PCYT1B: variants seen among roughly 807,000 people sequenced by gnomAD.
PCYT1B encodes choline-phosphate cytidylyltransferase B.
PCYT1B carries 10 observed loss-of-function variants against 26.4 expected under a neutral mutation model. That is an observed-to-expected ratio of 0.38 (90% CI 0.23 to 0.64). The LOEUF is 0.64. PCYT1B is among the 30% of genes least tolerant of loss of function. The pLI is 0.56. For missense variants in PCYT1B, 161 were observed against 292.7 expected (o/e 0.55, Z 3.28); for synonymous variants, 131 against 108.4 (o/e 1.21, Z -1.29).
At chrX:24,619,763 C>T (rs1370057489) in intron 1 of PCYT1B, among the ~76,000 whole-genome samples, 2 of 111,866 alleles carry the variant, frequency 1.8e-5, no homozygotes, top group Non-Finnish European at 3.8e-5. Flanking sequence ...GTGGTAGCTT[C>T]AACAGCGACT....
At chrX:24,659,531 C>T (rs1190936506) in intron 1 of PCYT1B, among the ~76,000 whole-genome samples, 1 of 111,895 alleles carries the variant, frequency 8.9e-6, no homozygotes, top group Admixed American at 9.5e-5. Context: ...CTATTCTTGA[C>T]AAAGAGTGTC....
At chrX:24,599,553 T>C (rs1395706627) in intron 3 of PCYT1B, among the ~76,000 whole-genome samples, 3 of 112,026 alleles carry the variant, frequency 2.7e-5, no homozygotes, top group Non-Finnish European at 5.6e-5. Flanking sequence ...TACATTGCTG[T>C]CCAAATTTAT....
intron 3 of PCYT1B, among the ~76,000 whole-genome samples, chrX:24,602,407 A>T (rs1164087020): frequency 1.8e-5 from 2 of 112,083 alleles, no homozygotes; most frequent in African/African-American, 6.5e-5. Flanking sequence ...TGATACTATC[A>T]TTGTGGATAC....
At chrX:24,608,235 G>A (rs1354805568) in intron 2 of PCYT1B, among the ~76,000 whole-genome samples, 1 of 111,184 alleles carries the variant, frequency 9.0e-6, no homozygotes, top group Non-Finnish European at 1.9e-5. Flanking sequence ...ATCCTTGGGT[G>A]TGGCAGTCCT....
intron 2 of PCYT1B, 128 bp from the exon 3 acceptor site, chrX:24,607,989 C>T (rs1244759299): frequency 2.3e-5 from 10 of 425,784 alleles, no homozygotes; most frequent in Middle Eastern, 3.6e-4. Context: ...TATCAGTGCA[C>T]GAAATTGATT....
intron 4 of PCYT1B, among the ~76,000 whole-genome samples, chrX:24,587,658 C>T (rs181695713): frequency 9.0e-6 from 1 of 111,633 alleles, no homozygotes. Context: ...TTTATCATCC[C>T]TCCTATGATG....
intron 7 of PCYT1B, among the ~76,000 whole-genome samples, chrX:24,569,237 T>TA (rs1923739546): frequency 9.1e-6 from 1 of 109,962 alleles, no homozygotes; most frequent in Admixed American, 9.7e-5. Context: ...TCTTAAAAAT[T>TA]AGCAGTGCCT....
chrX:24,594,952 A>G lies in PCYT1B; in HGVS notation c.335-4778T>C, dbSNP rs774833556. Among the ~76,000 whole-genome samples, 3 of 111,794 alleles carry G rather than the reference A, an allele frequency of 2.7e-5. No individual in the cohort carries two copies. The East Asian group carries it at 8.5e-4, about 32-fold the overall frequency. The stretch of plus-strand genomic sequence containing the variant: ...AAGTTACTCAAACTCTCTGAGCCTC[A>G]GTTATCTGGTCTTTAAAACATGGTG... On this transcript the variant is annotated intron_variant, in intron 3 of 7. Coordinates refer to ENST00000379144, the MANE Select transcript of PCYT1B (RefSeq NM_004845.5).
intron 3 of PCYT1B, among the ~76,000 whole-genome samples, chrX:24,597,265 C>A (rs1361480905): frequency 9.1e-6 from 1 of 110,326 alleles, no homozygotes; most frequent in Non-Finnish European, 1.9e-5. Context: ...GCTGGGATTA[C>A]AGGCGTGTGC....
chrX:24,586,314 G>A (rs1395971330), intron 5 of PCYT1B, among the ~76,000 whole-genome samples: 1 of 112,879 alleles, frequency 8.9e-6, no homozygotes. Context: ...GAATGTAAAA[G>A]CATCAGTTCT....
chrX:24,654,749 C>CAAAAA (rs574317952), intron 1 of PCYT1B, among the ~76,000 whole-genome samples: 68 of 39,876 alleles, frequency 1.7e-3, no homozygotes, highest in Admixed American at 1.8e-3. Context: ...GACCCTGTCT[C>CAAAAA]AAAAAAAAAA....
At chrX:24,637,427 A>G (rs1158447822) in intron 1 of PCYT1B, among the ~76,000 whole-genome samples, 1 of 97,258 alleles carries the variant, frequency 1.0e-5, no homozygotes, top group Non-Finnish European at 2.0e-5. Context: ...GGGTCACTTG[A>G]GGTCAGGACT....
chrX:24,565,843 CAA>C (rs769247905), intron 7 of PCYT1B, among the ~76,000 whole-genome samples: 2 of 106,110 alleles, frequency 1.9e-5, no homozygotes, highest in African/African-American at 6.9e-5. Context: ...GAATTTTTTG[CAA>C]AGTTTACCTA....
At chrX:24,576,970 T>C (rs1258155929) in intron 6 of PCYT1B, among the ~76,000 whole-genome samples, 1 of 112,168 alleles carries the variant, frequency 8.9e-6, no homozygotes, top group Non-Finnish European at 1.9e-5. Flanking sequence ...CTTTATATCA[T>C]TCTTTTCCAC....
Position 24,575,336 on chromosome X carries a change from GAA to G in PCYT1B, c.709-20_709-19del, listed in dbSNP as rs3833417. On this transcript the variant is annotated intron_variant, in intron 6 of 7. Transcript: ENST00000379144. ...CTCTTCTCCTGGTGAAAGTTTACAG[GAA>G]AAAAAAAAACAGATTTATCCAAGAG... The G allele has an allele frequency of 3.1e-4, 279 of 907,767 alleles. 1 individual carries two copies. Among genetic ancestry groups the G allele is most frequent in the Admixed American group, 6.7e-4 (20 of 30,051 alleles). The allele number at this position is 907,767 out of a possible 1,213,427, so 74.8% of individuals were successfully genotyped here. A position where few individuals can be genotyped will look rare whatever the true frequency, so the allele number is the denominator to read the frequency against.
Position 24,647,193 on chromosome X carries a change from CT to C in PCYT1B, c.-89del. 1 of 1,128,245 alleles carries C rather than the reference CT, an allele frequency of 8.9e-7. No homozygotes were observed. Among genetic ancestry groups the C allele is most frequent in the Non-Finnish European group, 1.2e-6 (1 of 853,141 alleles). The allele number at this position is 1,128,245 out of a possible 1,213,427, so 93.0% of individuals were successfully genotyped here. ...TTTCTTTGTCACGTATTTTTCTCCC[CT>C]CTACCCTCCACCCATCCCCCCGCTT... On this transcript the variant is annotated 5_prime_UTR_variant, in exon 1 of 8. Coordinates refer to ENST00000379144, the MANE Select transcript of PCYT1B (RefSeq NM_004845.5).
At chrX:24,634,637 T>C (rs760764496) in intron 1 of PCYT1B, among the ~76,000 whole-genome samples, 16 of 111,058 alleles carry the variant, frequency 1.4e-4, no homozygotes, top group African/African-American at 5.2e-4. Context: ...TCCCAGCTAC[T>C]TGGGAGGCTG....
intron 1 of PCYT1B, among the ~76,000 whole-genome samples, chrX:24,644,692 G>A (rs1926568426): frequency 9.0e-6 from 1 of 111,437 alleles, no homozygotes; most frequent in Non-Finnish European, 1.9e-5. Flanking sequence ...TGGGAGGTGA[G>A]GGTGTAGAGC....
rs111629900 is a variant in PCYT1B at position 24,618,798 on chromosome X, T to G, written c.217+187A>C. Among the ~76,000 whole-genome samples, 361 of 109,960 alleles carry G rather than the reference T, an allele frequency of 3.3e-3. 1 individual carries two copies. The highest frequency in any genetic ancestry group is 5.7e-3 in the Non-Finnish European group (301 of 52,726). ...CCACCACACCTGGCTAATTTTGTAT[T>G]TTTAGTAGAGATGGGGTTTCACCAT... is the stretch of plus-strand genomic sequence containing the variant. On this transcript the variant is annotated intron_variant, in intron 2 of 7. Coordinates refer to ENST00000379144, the MANE Select transcript of PCYT1B (RefSeq NM_004845.5).
Sources: allele counts gnomAD v4.1 joint callset (sites outside exome capture counted in the v4.1 genomes callset), GRCh38; gene constraint gnomAD v4.1.1; transcripts MANE v1.5; gene names NCBI Gene and HGNC (gene_info 2026-07-23, HGNC 2026-07-21).